Variants in PRKG1 observed in about 807,000 individuals in gnomAD.
PRKG1 encodes the protein protein kinase cGMP-dependent 1, also known as cGMP-dependent protein kinase 1.
PRKG1 carries 35 observed loss-of-function variants against 88.1 expected under a neutral mutation model. That is an observed-to-expected ratio of 0.40 (90% CI 0.30 to 0.53). The LOEUF (loss-of-function observed/expected upper bound fraction) is 0.53. Among genes scored for constraint, PRKG1 ranks in the 20% least tolerant of loss-of-function variants. PRKG1 has a pLI of 0.59. For missense variants in PRKG1, 540 were observed against 839.8 expected (o/e 0.64, Z 4.41); for synonymous variants, 303 against 292.5 (o/e 1.04, Z -0.37).
At chr10:51,363,228 A>T (rs1842521171) in intron 2 of PRKG1, among the ~76,000 whole-genome samples, 2 of 151,906 alleles carry the variant, frequency 1.3e-5, no homozygotes, top group South Asian at 4.1e-4. Flanking sequence ...AAAAAAAAAA[A>T]AAATTCTCGC....
chr10:52,286,488 G>A (rs999401546), intron 14 of PRKG1, among the ~76,000 whole-genome samples: 13 of 152,004 alleles, frequency 8.6e-5, no homozygotes, highest in Non-Finnish European at 1.5e-4. Context: ...AGATTGATGA[G>A]CTTTGGGTCT....
chr10:52,121,360 G>A (rs1847816511), intron 7 of PRKG1, among the ~76,000 whole-genome samples: 1 of 152,182 alleles, frequency 6.6e-6, no homozygotes, highest in South Asian at 2.1e-4. Context: ...GCAAACAGTC[G>A]CTTGACCACA....
At chr10:51,909,458 A>G (rs1184058767) in intron 5 of PRKG1, 1 of 152,228 alleles carries the variant, frequency 6.6e-6, no homozygotes, top group Non-Finnish European at 1.5e-5. Context: ...ACCAAAAAAA[A>G]AAGAGATAGT....
intron 3 of PRKG1, among the ~76,000 whole-genome samples, chr10:51,791,031 A>G (rs1278722573): frequency 6.6e-6 from 1 of 152,184 alleles, no homozygotes; most frequent in African/African-American, 2.4e-5. Context: ...AGGCAACCCT[A>G]TAAGTTCTAA....
At chr10:51,959,129 A>G (rs1230953834) in intron 5 of PRKG1, among the ~76,000 whole-genome samples, 3 of 152,178 alleles carry the variant, frequency 2.0e-5, no homozygotes, top group African/African-American at 4.8e-5. Context: ...ATTTTTAGAC[A>G]TAATTTATTT....
chr10:52,074,931 A>G (rs889468840), intron 7 of PRKG1, among the ~76,000 whole-genome samples: 9 of 152,212 alleles, frequency 5.9e-5, no homozygotes, highest in African/African-American at 2.2e-4. Flanking sequence ...CCTTGTTCAT[A>G]CAATGAAATG....
intron 1 of PRKG1, among the ~76,000 whole-genome samples, chr10:51,126,929 AC>A (rs1416956853): frequency 6.6e-6 from 1 of 152,112 alleles, no homozygotes; most frequent in African/African-American, 2.4e-5. Context: ...TTGAAATTGG[AC>A]CCTTTCCTTA....
intron 2 of PRKG1, among the ~76,000 whole-genome samples, chr10:51,168,978 A>G (rs1203743258): frequency 6.6e-6 from 1 of 152,102 alleles, no homozygotes; most frequent in Non-Finnish European, 1.5e-5. Flanking sequence ...TGGGAATTGG[A>G]TTGGATTCCC....
intron 3 of PRKG1, among the ~76,000 whole-genome samples, chr10:51,563,918 G>A (rs1460236354): frequency 6.6e-6 from 1 of 152,038 alleles, no homozygotes; most frequent in Non-Finnish European, 1.5e-5. Flanking sequence ...TAAAGACCCA[G>A]ATACATGAGA....
chr10:51,832,770 T>G (rs964382585), intron 4 of PRKG1, among the ~76,000 whole-genome samples: 41 of 152,096 alleles, frequency 2.7e-4, no homozygotes, highest in African/African-American at 8.9e-4. Context: ...AGATTGGGGC[T>G]TCTCTGAAGG....
chr10:51,570,216 A>G (rs1291387515), intron 3 of PRKG1, among the ~76,000 whole-genome samples: 2 of 151,672 alleles, frequency 1.3e-5, no homozygotes, highest in African/African-American at 4.8e-5. Flanking sequence ...ACAGCTGAAC[A>G]TCCACGTATA....
At chr10:51,257,339 G>A (rs756971836) in intron 2 of PRKG1, among the ~76,000 whole-genome samples, 1 of 152,070 alleles carries the variant, frequency 6.6e-6, no homozygotes, top group Non-Finnish European at 1.5e-5. Context: ...GCGGGTGAGA[G>A]GCAAAATCAT....
rs146095705 is a variant in PRKG1 at position 52,287,845 on chromosome 10, A to G, written c.1710-881A>G. Among the ~76,000 whole-genome samples the G allele has an allele frequency of 1.2e-3, 179 of 152,220 alleles. 1 individual carries two copies. Among genetic ancestry groups the G allele is most frequent in the African/African-American group, 4.2e-3 (175 of 41,556 alleles). On this transcript the variant is annotated intron_variant, in intron 14 of 17. Coordinates refer to ENST00000373980, the MANE Select transcript of PRKG1 (RefSeq NM_006258.4). ...AAAAGGATAGGAGGAGTACTATTCT[A>G]TAGAAACATTAGAGCAATAAATATT...
chr10:52,076,420 G>A (rs1846630313), intron 7 of PRKG1, among the ~76,000 whole-genome samples: 1 of 152,200 alleles, frequency 6.6e-6, no homozygotes, highest in African/African-American at 2.4e-5. Flanking sequence ...AGTTGGGCAT[G>A]GTGGTGTGCA....
intron 2 of PRKG1, among the ~76,000 whole-genome samples, chr10:51,392,981 A>C: frequency 7.0e-6 from 1 of 142,960 alleles, no homozygotes; most frequent in Non-Finnish European, 1.5e-5. Flanking sequence ...TCCCTCCCGG[A>C]CAGGGTAGCT....
chr10:51,009,405 C>G (rs116873015), intron 1 of PRKG1, among the ~76,000 whole-genome samples: 1 of 152,178 alleles, frequency 6.6e-6, no homozygotes, highest in Non-Finnish European at 1.5e-5. Context: ...AAATAGTTCT[C>G]CCACCTCCAC....
At chr10:51,401,916 G>A (rs1031151564) in intron 2 of PRKG1, among the ~76,000 whole-genome samples, 16 of 152,068 alleles carry the variant, frequency 1.1e-4, no homozygotes, top group African/African-American at 3.4e-4. Flanking sequence ...TAATTTTAAT[G>A]TGACAAAAAT....
At chr10:51,969,331 G>T (rs1843648438) in intron 5 of PRKG1, among the ~76,000 whole-genome samples, 1 of 152,072 alleles carries the variant, frequency 6.6e-6, no homozygotes, top group Admixed American at 6.6e-5. Flanking sequence ...AGAAAGAAAA[G>T]GTGGAACTGT....
At chr10:51,507,089 G>A (rs944302624) in intron 3 of PRKG1, among the ~76,000 whole-genome samples, 7 of 149,710 alleles carry the variant, frequency 4.7e-5, no homozygotes, top group African/African-American at 1.7e-4. Context: ...CTCATAGGTG[G>A]GAATTGAACA....
Sources: gnomAD v4.1 joint callset for allele counts (sites outside exome capture counted in the v4.1 genomes callset) on GRCh38, gnomAD v4.1.1 for gene constraint, MANE v1.5 for transcripts, NCBI Gene and HGNC (gene_info 2026-07-23, HGNC 2026-07-21) for gene names.